Variants in NRXN3 observed in about 807,000 individuals in gnomAD.
The protein encoded by NRXN3 is neurexin 3.
In NRXN3, 32 loss-of-function variants were observed where a neutral mutation model predicts 137.6. The ratio of observed to expected loss-of-function variants is 0.23; its 90% CI spans 0.18 to 0.31. The LOEUF is 0.31. NRXN3 is among the 10% of genes least tolerant of loss of function. The pLI is 1.00. For synonymous variants in NRXN3, 798 were observed against 784.5 expected (o/e 1.02, Z -0.29); for missense variants, 1,574 against 2,062.5 (o/e 0.76, Z 4.59).
At chr14:79,651,174 T>G (rs1460325009) in intron 16 of NRXN3, among the ~76,000 whole-genome samples, 1 of 152,098 alleles carries the variant, frequency 6.6e-6, no homozygotes, top group East Asian at 1.9e-4. Flanking sequence ...CACTAAGCCT[T>G]TCACCTCCCG....
At chr14:79,444,692 G>T (rs1260494598) in intron 15 of NRXN3, among the ~76,000 whole-genome samples, 2 of 152,140 alleles carry the variant, frequency 1.3e-5, no homozygotes, top group African/African-American at 4.8e-5. Context: ...GCTGGACATG[G>T]TGACCCATGC....
At chr14:79,051,059 G>A (rs2099641140) in intron 15 of NRXN3, among the ~76,000 whole-genome samples, 1 of 152,114 alleles carries the variant, frequency 6.6e-6, no homozygotes, top group South Asian at 2.1e-4. Flanking sequence ...TGCTGTGGAT[G>A]CTGACACATA....
intron 10 of NRXN3, among the ~76,000 whole-genome samples, chr14:78,845,980 T>C (rs2099025882): frequency 6.6e-6 from 1 of 151,728 alleles, no homozygotes; most frequent in Admixed American, 6.6e-5. Context: ...CAGCCAACGC[T>C]TTAGAGATCT....
intron 15 of NRXN3, among the ~76,000 whole-genome samples, chr14:79,370,268 A>T (rs1211218629): frequency 1.3e-5 from 2 of 152,066 alleles, no homozygotes; most frequent in African/African-American, 4.8e-5. Context: ...TTTATAGAAC[A>T]ACCAGCTAAA....
chr14:79,028,496 T>A (rs549658667), intron 15 of NRXN3, among the ~76,000 whole-genome samples: 5 of 152,242 alleles, frequency 3.3e-5, no homozygotes, highest in African/African-American at 1.2e-4. Flanking sequence ...GTCTGACTCA[T>A]TAGTAAGAGG....
intron 15 of NRXN3, among the ~76,000 whole-genome samples, chr14:79,342,500 T>C (rs1355031191): frequency 2.6e-5 from 4 of 152,106 alleles, no homozygotes; most frequent in Admixed American, 2.0e-4. Context: ...ACTACTACTT[T>C]TTTTTTTTTT....
chr14:78,946,017 A>G (rs188221201), intron 10 of NRXN3, among the ~76,000 whole-genome samples: 369 of 152,366 alleles, frequency 2.4e-3, no homozygotes, highest in Non-Finnish European at 3.6e-3. Flanking sequence ...CCCTCCAGAA[A>G]GGGTGGACCT....
At chr14:78,884,384 A>G (rs1323997830) in intron 10 of NRXN3, among the ~76,000 whole-genome samples, 2 of 152,172 alleles carry the variant, frequency 1.3e-5, no homozygotes, top group African/African-American at 2.4e-5. Context: ...TCTTCTGGGT[A>G]TTTGATCTAT....
chr14:79,335,145 C>T (rs2092144954), intron 15 of NRXN3, among the ~76,000 whole-genome samples: 1 of 152,082 alleles, frequency 6.6e-6, no homozygotes, highest in African/African-American at 2.4e-5. Flanking sequence ...AAGAACTGTG[C>T]TGTTTCTTCT....
intron 1 of NRXN3, among the ~76,000 whole-genome samples, chr14:78,232,715 T>C (rs2065617110): frequency 2.0e-5 from 3 of 152,270 alleles, no homozygotes; most frequent in South Asian, 4.1e-4. Flanking sequence ...TGGCTTTCAA[T>C]TGAATCTTTT....
At chr14:78,767,452 A>C (rs1183994900) in intron 8 of NRXN3, among the ~76,000 whole-genome samples, 1 of 152,240 alleles carries the variant, frequency 6.6e-6, no homozygotes, top group Non-Finnish European at 1.5e-5. Context: ...GAATCACATG[A>C]AAGTGTGAAT....
intron 1 of NRXN3, among the ~76,000 whole-genome samples, chr14:78,185,995 G>A (rs545299864): frequency 6.6e-6 from 1 of 152,252 alleles, no homozygotes; most frequent in African/African-American, 2.4e-5. Flanking sequence ...TCATCTTTGT[G>A]GTAATAGAAC....
intron 16 of NRXN3, among the ~76,000 whole-genome samples, chr14:79,496,651 G>GT (rs1198113893): frequency 6.6e-6 from 1 of 152,208 alleles, no homozygotes; most frequent in Non-Finnish European, 1.5e-5. Context: ...CTAATGAGCA[G>GT]TGTTCCTTAA....
intron 4 of NRXN3, among the ~76,000 whole-genome samples, chr14:78,432,745 A>G (rs1430630744): frequency 6.6e-6 from 1 of 152,176 alleles, no homozygotes; most frequent in Non-Finnish European, 1.5e-5. Flanking sequence ...ACAGACTGGC[A>G]GGTATACCTG....
intron 15 of NRXN3, among the ~76,000 whole-genome samples, chr14:79,178,887 G>T (rs1460047558): frequency 6.6e-6 from 1 of 152,116 alleles, no homozygotes; most frequent in Non-Finnish European, 1.5e-5. Flanking sequence ...ATTAATCTCT[G>T]CCCAGGTCCA....
chr14:79,476,509 T>A (rs1031653256), intron 16 of NRXN3, among the ~76,000 whole-genome samples: 1 of 152,120 alleles, frequency 6.6e-6, no homozygotes. Flanking sequence ...ATATTCTATT[T>A]TTGAGTCCTT....
rs2098441143 is a variant in NRXN3 at position 79,643,408 on chromosome 14, T to C, written c.3445-20370T>C. ...ATCTCATGCCATCTGTTACCTCATC[T>C]CTATTTTATCTGTTATAATTCCTCT... On this transcript the variant is annotated intron_variant, in intron 16 of 20. Transcript: ENST00000335750. 1.5e-5 allele frequency among the ~76,000 whole-genome samples: 2 copies of C among 134,872 alleles called. 1 individual carries two copies. The allele number at this position is 134,872 out of a possible 152,430, so 88.5% of individuals were successfully genotyped here.
chr14:79,023,108 CT>C (rs33929389), intron 15 of NRXN3, among the ~76,000 whole-genome samples: 73 of 139,758 alleles, frequency 5.2e-4, no homozygotes, highest in Middle Eastern at 3.7e-3. Flanking sequence ...AGCCCTTTGC[CT>C]TTTTTTTTTT....
intron 6 of NRXN3, among the ~76,000 whole-genome samples, chr14:78,673,713 T>C (rs781162590): frequency 1.3e-4 from 20 of 152,168 alleles, no homozygotes; most frequent in Non-Finnish European, 2.4e-4. Context: ...ATCTCTCTTG[T>C]TTCTCTTCTC....
Sources: allele counts gnomAD v4.1 joint callset (sites outside exome capture counted in the v4.1 genomes callset), GRCh38; gene constraint gnomAD v4.1.1; transcripts MANE v1.5; gene names NCBI Gene and HGNC (gene_info 2026-07-23, HGNC 2026-07-21).